The following DLG1 variants were observed in gnomAD, a reference collection of about 807,000 sequenced individuals.
DLG1 encodes discs large MAGUK scaffold protein 1.
In DLG1, 42 loss-of-function variants were observed where a neutral mutation model predicts 123.4. That is an observed-to-expected ratio of 0.34 (90% CI 0.27 to 0.44). The LOEUF (loss-of-function observed/expected upper bound fraction) is 0.44, where lower values mean the gene tolerates loss of function less well. Among genes scored for constraint, DLG1 ranks in the 20% least tolerant of loss-of-function variants. The pLI, the probability that DLG1 is intolerant of heterozygous loss-of-function variation, is 1.00. For synonymous variants in DLG1, 317 were observed against 356.2 expected (o/e 0.89, Z 1.24); for missense variants, 942 against 1,082.6 (o/e 0.87, Z 1.82).
intron 5 of DLG1, among the ~76,000 whole-genome samples, chr3:197,170,120 C>T (rs932091324): frequency 3.9e-5 from 6 of 152,124 alleles, no homozygotes; most frequent in Admixed American, 6.5e-5. Flanking sequence ...CATAGTATTC[C>T]GTGGTGTGTA....
chr3:197,052,387 A>G (rs1728476761), intron 23 of DLG1, among the ~76,000 whole-genome samples: 2 of 152,182 alleles, frequency 1.3e-5, no homozygotes, highest in East Asian at 3.9e-4. Flanking sequence ...CCCAGGAGGC[A>G]GAGGTTGCAG....
Position 197,065,320 on chromosome 3 carries a change from G to T in DLG1, c.2329C>A (p.Leu777Ile). ...ACAGACTGAACACTTGTTCCATATA[G>T]ATGATTGTTATACTGGCCAGCTTCA... ...FIEAGQYNNH[L>I]YGTSVQSVRE... Residue 777 changes from leucine (L) to isoleucine (I), a missense_variant, in exon 22 of 25, where the codon CTA (leucine) becomes ATA (isoleucine). Transcript: ENST00000667157. 1 of 1,612,266 alleles carries T rather than the reference G, an allele frequency of 6.2e-7. No homozygotes were observed. The highest frequency in any genetic ancestry group is 8.5e-7 in the Non-Finnish European group (1 of 1,179,568).
chr3:197,142,684 C>T (rs1454984337), intron 7 of DLG1, 34 bp downstream of exon 7: 1 of 1,516,946 alleles, frequency 6.6e-7, no homozygotes, highest in Non-Finnish European at 9.0e-7. Flanking sequence ...TTACAAAGTT[C>T]TCTAGAACAA....
At chr3:197,296,570 G>C (rs1373976359) in intron 2 of DLG1, 93 bp from the exon 3 acceptor site, 1 of 1,183,274 alleles carries the variant, frequency 8.5e-7, no homozygotes, top group African/African-American at 1.5e-5. Context: ...CATCTAAATA[G>C]TTCCGCAAAT....
Position 197,274,667 on chromosome 3 carries a change from C to T in DLG1, c.318+8012G>A, listed in dbSNP as rs557580512. 9.2e-5 allele frequency among the ~76,000 whole-genome samples: 14 copies of T among 152,150 alleles called. No homozygotes were observed. In the South Asian group the frequency reaches 2.1e-3, roughly 23 times the overall value. ...AAAAGATCCTGTACAGCAAAGGAAA[C>T]GACCAACAGAGTGATGAAACAACTT... On this transcript the variant is annotated intron_variant, in intron 4 of 24. Coordinates refer to ENST00000667157, the MANE Select transcript of DLG1 (RefSeq NM_001366207.1).
intron 12 of DLG1, among the ~76,000 whole-genome samples, chr3:197,118,958 C>T (rs1774814442): frequency 6.6e-6 from 1 of 152,080 alleles, no homozygotes. Context: ...GATGTACGTT[C>T]ATAGCACTGC....
At chr3:197,106,518 A>G (rs1157554674) in intron 13 of DLG1, among the ~76,000 whole-genome samples, 1 of 151,694 alleles carries the variant, frequency 6.6e-6, no homozygotes, top group African/African-American at 2.4e-5. Context: ...ATGGCCATAT[A>G]AAACTCAATA....
At chr3:197,297,862 TCCCCAGCCCGGCCCCGCTCCACGTA>T in intron 1 of DLG1, 4 of 984,728 alleles carry the variant, frequency 4.1e-6, no homozygotes, top group Non-Finnish European at 4.8e-6. Context: ...TCGGAGCAGC[TCCCCAGCCCGGCCCCGCTCCACGTA>T]CCCCCGCCCC....
intron 5 of DLG1, 167 bp downstream of exon 5, chr3:197,194,258 T>C (rs539244784): frequency 2.6e-6 from 1 of 384,058 alleles, no homozygotes; most frequent in East Asian, 3.8e-5. Flanking sequence ...AAAAATGTTT[T>C]CTGGAGTACT....
At chr3:197,127,059 A>AT (rs1242720369) in intron 11 of DLG1, among the ~76,000 whole-genome samples, 4 of 152,084 alleles carry the variant, frequency 2.6e-5, no homozygotes, top group Admixed American at 6.5e-5. Context: ...TACAGATTTC[A>AT]TTTTTCCACC....
chr3:197,262,936 G>A (rs1760072907), intron 4 of DLG1, among the ~76,000 whole-genome samples: 1 of 152,140 alleles, frequency 6.6e-6, no homozygotes, highest in Non-Finnish European at 1.5e-5. Context: ...GATATAGCCT[G>A]GAAATTACAT....
chr3:197,296,953 T>TGCG lies in DLG1; in HGVS notation c.19+232_19+233insCGC, dbSNP rs1553843634. On this transcript the variant is annotated intron_variant, in intron 2 of 24. Coordinates refer to ENST00000667157, the MANE Select transcript of DLG1 (RefSeq NM_001366207.1). ...ATTCAGGGTTATTAAGGACATCTGT[T>TGCG]GGGGGGGGGCTAACTGCCTCTCTTA... is the stretch of plus-strand genomic sequence containing the variant. 37 of 505,170 alleles carry TGCG rather than the reference T, an allele frequency of 7.3e-5. 1 individual carries two copies. Among genetic ancestry groups the TGCG allele is most frequent in the East Asian group, 2.8e-4 (7 of 25,300 alleles). 31.3% of individuals were successfully genotyped at this position (505,170 alleles called of 1,614,324 possible).
At chr3:197,136,513 T>A in intron 10 of DLG1, 29 bp downstream of exon 10, 1 of 1,581,380 alleles carries the variant, frequency 6.3e-7, no homozygotes, top group Non-Finnish European at 8.6e-7. Flanking sequence ...ACAAAATGAT[T>A]TAAAAGACAA....
rs1198387958 is a variant in DLG1, at chr3:197,197,536, T to C, written c.319-2947A>G. Among the ~76,000 whole-genome samples, 7 of 152,180 alleles carry C rather than the reference T, an allele frequency of 4.6e-5. No individual in the cohort carries two copies. In the East Asian group the frequency reaches 7.7e-4, roughly 17 times the overall value. ...TAGTTTTCAAGACAGATTTGAAAAA[T>C]TGGCTCCCTGCCATCTCCTAAGGTG... On this transcript the variant is annotated intron_variant, in intron 4 of 24. Transcript: ENST00000667157.
intron 12 of DLG1, among the ~76,000 whole-genome samples, chr3:197,116,285 C>CA (rs1773232534): frequency 6.6e-6 from 1 of 150,790 alleles, no homozygotes; most frequent in African/African-American, 2.4e-5. Context: ...TATATAAAAG[C>CA]AAAAAACCTG....
chr3:197,276,987 A>C (rs1276761582), intron 4 of DLG1, among the ~76,000 whole-genome samples: 1 of 149,662 alleles, frequency 6.7e-6, no homozygotes, highest in African/African-American at 2.5e-5. Context: ...GACCTCCAGG[A>C]CTCAAGCGAT....
At chr3:197,269,477 T>C (rs1469476069) in intron 4 of DLG1, among the ~76,000 whole-genome samples, 3 of 152,220 alleles carry the variant, frequency 2.0e-5, no homozygotes, top group Non-Finnish European at 4.4e-5. Context: ...CTTTCTCTCC[T>C]TATTTTAACT....
In DLG1 at chr3:197,140,025, C is replaced by T. The variant is rs1576972573; in HGVS notation, c.713+115G>A. The T allele has an allele frequency of 2.6e-6, 3 of 1,172,394 alleles. No individual in the cohort carries two copies. The Admixed American group carries it at 6.7e-5, about 26-fold the overall frequency. 72.6% of individuals were successfully genotyped at this position (1,172,394 alleles called of 1,614,324 possible). ...GACTTGAATGTTGTTAAAGCATCTA[C>T]CCTATGCTAGTTATCATGATCGTGT... On this transcript the variant is annotated intron_variant, in intron 8 of 24. Coordinates refer to ENST00000667157, the MANE Select transcript of DLG1 (RefSeq NM_001366207.1).
chr3:197,119,426 C>T lies in DLG1; in HGVS notation c.1270G>A (p.Asp424Asn), dbSNP rs1197270598. The T allele has an allele frequency of 6.2e-7, 1 of 1,606,548 alleles. No individual in the cohort carries two copies. Among genetic ancestry groups the T allele is most frequent in the East Asian group, 2.2e-5 (1 of 44,616 alleles). The change falls in exon 12 of 25, where the codon GAT (aspartate) becomes AAT (asparagine). Residue 424 changes from aspartate (D) to asparagine (N), a missense_variant. Transcript: ENST00000667157. The part of the protein sequence containing the change: ...YSPVSKAVLG[D>N]DEITREPRKV... The stretch of plus-strand genomic sequence containing the variant: ...CTTCCTTACCTTGTAATTTCATCAT[C>T]TCCAAGTACTGCTTTAGAAACTGGG...
Sources: allele counts gnomAD v4.1 joint callset (sites outside exome capture counted in the v4.1 genomes callset), GRCh38; gene constraint gnomAD v4.1.1; transcripts MANE v1.5; gene names NCBI Gene and HGNC (gene_info 2026-07-23, HGNC 2026-07-21).